Variants in NCOA2 observed in about 807,000 individuals in gnomAD.
NCOA2 encodes the protein class E basic helix-loop-helix protein 75.
A neutral mutation model predicts 145.1 loss-of-function variants in NCOA2; 21 were observed. The observed-to-expected ratio is 0.14, with a 90% CI of 0.10 to 0.21. NCOA2 has a LOEUF of 0.21. NCOA2 is among the 10% of genes least tolerant of loss of function. The probability of loss-of-function intolerance (pLI) is 1.00; values close to 1 mark genes in which losing one functional copy is unlikely to be tolerated. For missense variants in NCOA2, 1,472 were observed against 1,837.6 expected (o/e 0.80, Z 3.64); for synonymous variants, 619 against 637.5 (o/e 0.97, Z 0.44).
chr8:70,115,229 C>T (rs1272813375), intron 22 of NCOA2, among the ~76,000 whole-genome samples: 1 of 152,172 alleles, frequency 6.6e-6, no homozygotes. Flanking sequence ...CGGCTCACTG[C>T]AACCTCTGCC....
intron 2 of NCOA2, among the ~76,000 whole-genome samples, chr8:70,287,908 T>A (rs971099195): frequency 2.0e-5 from 3 of 152,142 alleles, no homozygotes; most frequent in Non-Finnish European, 2.9e-5. Context: ...TAGTTAATTC[T>A]TTTTTGGCTT....
chr8:70,196,308 G>A lies in NCOA2; in HGVS notation c.259+17595C>T, dbSNP rs184145625. The stretch of plus-strand genomic sequence containing the variant: ...CGAGAATCACTTGAACCTGGGAGGC[G>A]GAGGTTGCAGTGAGCTGAGATCACA... On this transcript the variant is annotated intron_variant, in intron 4 of 22. Coordinates refer to ENST00000452400, the MANE Select transcript of NCOA2 (RefSeq NM_006540.4). 1.7e-4 allele frequency among the ~76,000 whole-genome samples: 26 copies of A among 152,208 alleles called. No homozygotes were observed. The East Asian group carries it at 2.1e-3, about 12-fold the overall frequency.
chr8:70,199,031 C>G (rs1406181934), intron 4 of NCOA2, among the ~76,000 whole-genome samples: 1 of 151,870 alleles, frequency 6.6e-6, no homozygotes, highest in Admixed American at 6.6e-5. Context: ...CCTTGACAGT[C>G]AGCACAAATA....
chr8:70,159,242 A>ATATATATATATTTT, intron 10 of NCOA2, among the ~76,000 whole-genome samples: 10 of 61,076 alleles, frequency 1.6e-4, no homozygotes, highest in African/African-American at 5.4e-4. Flanking sequence ...ATATATATAT[A>ATATATATATATTTT]TTTTTTTTTT....
the NCOA2 span, among the ~76,000 whole-genome samples, chr8:70,456,036 G>A: frequency 6.7e-6 from 1 of 148,392 alleles, no homozygotes; most frequent in African/African-American, 2.5e-5. Flanking sequence ...TATAGATGAA[G>A]ACATTTGGGG....
chr8:70,122,431 T>A (rs77182613), intron 21 of NCOA2, among the ~76,000 whole-genome samples: 3 of 152,220 alleles, frequency 2.0e-5, no homozygotes, highest in East Asian at 3.9e-4. Context: ...AACTTTTTTT[T>A]TTTTTTTCAG....
At chr8:70,451,231 A>ATAT in the NCOA2 span, among the ~76,000 whole-genome samples, 52 of 99,162 alleles carry the variant, frequency 5.2e-4, no homozygotes, top group Non-Finnish European at 8.4e-4. Context: ...AAAAAAAAAA[A>ATAT]AAAAAAATAT....
chr8:70,260,759 T>C (rs1427117011), intron 2 of NCOA2, among the ~76,000 whole-genome samples: 2 of 152,236 alleles, frequency 1.3e-5, no homozygotes, highest in African/African-American at 2.4e-5. Flanking sequence ...GTAACACTTA[T>C]TTTAAAGGGA....
At chr8:70,197,094 C>T (rs186240847) in intron 4 of NCOA2, among the ~76,000 whole-genome samples, 7 of 152,250 alleles carry the variant, frequency 4.6e-5, no homozygotes, top group Middle Eastern at 3.4e-3. Context: ...ATTCTCTTAA[C>T]GCTGCTAAAG....
At chr8:70,166,832 T>C in intron 6 of NCOA2, 78 bp from the exon 7 acceptor site, 1 of 1,289,790 alleles carries the variant, frequency 7.8e-7, no homozygotes, top group Non-Finnish European at 1.1e-6. Flanking sequence ...TAAAATGATG[T>C]AGGAAAAATA....
intron 2 of NCOA2, among the ~76,000 whole-genome samples, chr8:70,248,877 G>A (rs546806352): frequency 6.6e-6 from 1 of 151,228 alleles, no homozygotes; most frequent in African/African-American, 2.4e-5. Context: ...GTAACAATTT[G>A]TCCCTTTTCA....
At chr8:70,309,470 A>C (rs1828141357) in intron 1 of NCOA2, among the ~76,000 whole-genome samples, 3 of 152,176 alleles carry the variant, frequency 2.0e-5, no homozygotes, top group South Asian at 2.1e-4. Context: ...AAAATTAATT[A>C]ATTCATTTAC....
At chr8:70,311,579 TAAA>T (rs1805128655) in intron 1 of NCOA2, among the ~76,000 whole-genome samples, 2 of 152,174 alleles carry the variant, frequency 1.3e-5, no homozygotes, top group Admixed American at 6.5e-5. Context: ...CATTCCATTA[TAAA>T]AAGTTGCAAT....
chr8:70,430,969 G>C, the NCOA2 span, among the ~76,000 whole-genome samples: 3 of 152,036 alleles, frequency 2.0e-5, no homozygotes, highest in South Asian at 6.2e-4. Flanking sequence ...AAAAATGAAG[G>C]TCTCCACTGA....
chr8:70,291,007 AT>A (rs1387403144), intron 2 of NCOA2, among the ~76,000 whole-genome samples: 1 of 152,186 alleles, frequency 6.6e-6, no homozygotes. Context: ...CCCAAATCTA[AT>A]GCCAAGTATT....
intron 11 of NCOA2, among the ~76,000 whole-genome samples, chr8:70,151,102 A>G (rs1407108895): frequency 6.6e-6 from 1 of 152,226 alleles, no homozygotes; most frequent in Non-Finnish European, 1.5e-5. Flanking sequence ...ATAAGTGATG[A>G]GTTGCCTCTT....
intron 2 of NCOA2, among the ~76,000 whole-genome samples, chr8:70,236,038 AC>A (rs1208288175): frequency 6.6e-5 from 10 of 152,192 alleles, no homozygotes; most frequent in Admixed American, 6.5e-4. Context: ...AGAAAATTAA[AC>A]ACATCCATTT....
intron 6 of NCOA2, among the ~76,000 whole-genome samples, chr8:70,168,212 G>A (rs1441552859): frequency 6.6e-5 from 10 of 152,080 alleles, no homozygotes; most frequent in Non-Finnish European, 1.5e-5. Flanking sequence ...ACCCTCGAAA[G>A]GAAAAAGTTA....
chr8:70,214,246 T>C (rs1032021393), intron 3 of NCOA2, among the ~76,000 whole-genome samples, 171 bp from the exon 4 acceptor site: 2 of 152,160 alleles, frequency 1.3e-5, no homozygotes, highest in African/African-American at 4.8e-5. Flanking sequence ...CATGTTTTTT[T>C]AAAAAAATCA....
Sources: allele counts gnomAD v4.1 joint callset (sites outside exome capture counted in the v4.1 genomes callset), GRCh38; gene constraint gnomAD v4.1.1; transcripts MANE v1.5; gene names NCBI Gene and HGNC (gene_info 2026-07-23, HGNC 2026-07-21).